DOCK8: variants seen among roughly 807,000 people sequenced by gnomAD.
DOCK8 encodes dedicator of cytokinesis protein 8.
DOCK8 carries 141 observed loss-of-function variants against 245.6 expected under a neutral mutation model. The ratio of observed to expected loss-of-function variants is 0.57; its 90% CI spans 0.50 to 0.66. The LOEUF (loss-of-function observed/expected upper bound fraction) is 0.66. Among genes scored for constraint, DOCK8 ranks in the 30% least tolerant of loss-of-function variants. DOCK8 has a pLI of 0.00. For synonymous variants in DOCK8, 1,168 were observed against 970.2 expected (o/e 1.20, Z -3.79); for missense variants, 2,965 against 2,603.4 (o/e 1.14, Z -3.02).
At chr9:339,986 G>A (rs369931293) in intron 13 of DOCK8, among the ~76,000 whole-genome samples, 173 bp from the exon 14 acceptor site, 4 of 152,158 alleles carry the variant, frequency 2.6e-5, no homozygotes, top group Admixed American at 6.5e-5. Context: ...GCTAAATCTC[G>A]AAAGTTATCA....
intron 1 of DOCK8, among the ~76,000 whole-genome samples, chr9:269,372 G>A (rs34435374): frequency 0.048 from 7,258 of 152,100 alleles, 223 homozygotes; most frequent in South Asian, 0.071. Flanking sequence ...TTATGTTGTG[G>A]TGTATATAGG....
rs1021701805 is a variant in DOCK8, at chr9:400,076, T to C, written c.3234+817T>C. Among the ~76,000 whole-genome samples the C allele has an allele frequency of 7.6e-3, 163 of 21,474 alleles. 2 individuals carry two copies. Among genetic ancestry groups the C allele is most frequent in the South Asian group, 0.049 (29 of 594 alleles). 14.1% of individuals were successfully genotyped at this position (21,474 alleles called of 152,430 possible). A position where few individuals can be genotyped will look rare whatever the true frequency, so the allele number is the denominator to read the frequency against. The stretch of plus-strand genomic sequence containing the variant: ...ATCACCACCTCCTTCACCATCACCA[T>C]CACCACCACCTCCACCATCACCACC... On this transcript the variant is annotated intron_variant, in intron 26 of 47. Transcript: ENST00000432829.
At chr9:446,961 T>C (rs2057284082) in intron 44 of DOCK8, among the ~76,000 whole-genome samples, 1 of 152,018 alleles carries the variant, frequency 6.6e-6, no homozygotes, top group African/African-American at 2.4e-5. Context: ...ATTTCAAAGC[T>C]TAGAGGTGAT....
intron 36 of DOCK8, among the ~76,000 whole-genome samples, chr9:430,290 C>T (rs760273482): frequency 4.2e-4 from 64 of 152,130 alleles, no homozygotes; most frequent in Non-Finnish European, 7.9e-4. Context: ...AGGAGAATTG[C>T]TTGAACCTGG....
At chr9:384,225 A>G (rs2053849950) in intron 22 of DOCK8, among the ~76,000 whole-genome samples, 1 of 152,200 alleles carries the variant, frequency 6.6e-6, no homozygotes, top group African/African-American at 2.4e-5. Context: ...ATACCATAAA[A>G]TTCACCCTTT....
At chr9:270,639 C>T (rs965508736) in intron 1 of DOCK8, among the ~76,000 whole-genome samples, 3 of 152,192 alleles carry the variant, frequency 2.0e-5, no homozygotes, top group Non-Finnish European at 2.9e-5. Flanking sequence ...TAATACGCTT[C>T]ATTTGTAATA....
chr9:354,581 C>T (rs1039695388), intron 14 of DOCK8, among the ~76,000 whole-genome samples: 8 of 152,150 alleles, frequency 5.3e-5, no homozygotes, highest in Non-Finnish European at 8.8e-5. Context: ...TCTGAGCTTT[C>T]GAAAAGTGCA....
At chr9:451,216 C>T (rs902132688) in intron 45 of DOCK8, among the ~76,000 whole-genome samples, 1 of 151,744 alleles carries the variant, frequency 6.6e-6, no homozygotes, top group Non-Finnish European at 1.5e-5. Flanking sequence ...GAGGCTGAGG[C>T]AGGAGAATCC....
intron 29 of DOCK8, among the ~76,000 whole-genome samples, chr9:417,272 G>A (rs2056067209): frequency 6.6e-6 from 1 of 152,174 alleles, no homozygotes; most frequent in Non-Finnish European, 1.5e-5. Context: ...GATAGTGTGA[G>A]ACTTTGTCTA....
chr9:460,715 C>A (rs570861626), intron 46 of DOCK8, among the ~76,000 whole-genome samples: 1 of 152,234 alleles, frequency 6.6e-6, no homozygotes, highest in African/African-American at 2.4e-5. Flanking sequence ...CAGGCTAATT[C>A]CATGATGAAG....
rs1423575630 is a variant in DOCK8 at position 464,378 on chromosome 9, T to C, written c.*159T>C. The C allele has an allele frequency of 1.5e-5, 11 of 735,894 alleles. No homozygotes were observed. The Admixed American group carries it at 1.8e-4, about 12-fold the overall frequency. The allele number at this position is 735,894 out of a possible 1,614,324, so 45.6% of individuals were successfully genotyped here. A position where few individuals can be genotyped will look rare whatever the true frequency, so the allele number is the denominator to read the frequency against. On this transcript the variant is annotated 3_prime_UTR_variant, in exon 48 of 48. Transcript: ENST00000432829. Reference sequence around the variant, plus strand: ...TGGGATCCCAGGAACCATGGAATTATTCCCAAATGGACTCTGACCAGATTT... The same window carrying C: ...TGGGATCCCAGGAACCATGGAATTACTCCCAAATGGACTCTGACCAGATTT...
rs75486137 is a variant in DOCK8 at position 377,908 on chromosome 9, G to C, written c.2440+697G>C. 2.0e-5 allele frequency among the ~76,000 whole-genome samples: 3 copies of C among 152,318 alleles called. No individual in the cohort carries two copies. The East Asian group carries it at 5.8e-4, about 29-fold the overall frequency. ...ATCCTGGAGGCATGACCAGAGTCCA[G>C]TGGTTCTCCTAACTCTTCCAGGGTA... On this transcript the variant is annotated intron_variant, in intron 20 of 47. Transcript: ENST00000432829.
At chr9:287,368 T>A (rs1444586185) in intron 3 of DOCK8, among the ~76,000 whole-genome samples, 3 of 152,098 alleles carry the variant, frequency 2.0e-5, no homozygotes, top group Admixed American at 6.6e-5. Context: ...TAAAAAAAAA[T>A]GTCTCTTTGG....
At chr9:421,723 C>T (rs1050441854) in intron 32 of DOCK8, among the ~76,000 whole-genome samples, 1 of 152,170 alleles carries the variant, frequency 6.6e-6, no homozygotes, top group Admixed American at 6.5e-5. Context: ...CAGTGGTGGT[C>T]AGGCACCCTC....
chr9:296,017 T>C (rs1412131565), intron 4 of DOCK8, among the ~76,000 whole-genome samples: 1 of 152,230 alleles, frequency 6.6e-6, no homozygotes, highest in South Asian at 2.1e-4. Context: ...GAAATGTATT[T>C]TCTTACTTGA....
At chr9:290,850 A>G (rs182862304) in intron 4 of DOCK8, among the ~76,000 whole-genome samples, 107 of 152,344 alleles carry the variant, frequency 7.0e-4, no homozygotes, top group Non-Finnish European at 1.1e-3. Context: ...ATTGGGTTTT[A>G]TCTAGCTCCT....
At chr9:462,115 G>T (rs1050268390) in intron 46 of DOCK8, among the ~76,000 whole-genome samples, 6 of 151,488 alleles carry the variant, frequency 4.0e-5, no homozygotes, top group Admixed American at 2.0e-4. Flanking sequence ...GTTTTCCCTC[G>T]TGGTGGTTGG....
intron 26 of DOCK8, among the ~76,000 whole-genome samples, chr9:403,858 ATCTC>A (rs749646963): frequency 0.023 from 1,890 of 83,916 alleles, 132 homozygotes; most frequent in African/African-American, 0.065. Context: ...AAGACTCTGT[ATCTC>A]TCTCTCTCTC....
At chr9:323,247 A>G (rs1461602532) in intron 7 of DOCK8, among the ~76,000 whole-genome samples, 1 of 117,396 alleles carries the variant, frequency 8.5e-6, no homozygotes, top group Non-Finnish European at 1.6e-5. Flanking sequence ...TTTTTGAGAC[A>G]GAGTCTCACT....
Sources: gnomAD v4.1 joint callset for allele counts (sites outside exome capture counted in the v4.1 genomes callset) on GRCh38, gnomAD v4.1.1 for gene constraint, MANE v1.5 for transcripts, NCBI Gene and HGNC (gene_info 2026-07-23, HGNC 2026-07-21) for gene names.